Variants in IMMP2L observed in about 807,000 individuals in gnomAD.
The protein encoded by IMMP2L is mitochondrial inner membrane protease subunit 2.
A neutral mutation model predicts 19.3 loss-of-function variants in IMMP2L; 18 were observed. The observed-to-expected ratio is 0.93, with a 90% confidence interval of 0.64 to 1.38. IMMP2L has a LOEUF of 1.38. Ranked by LOEUF, IMMP2L falls within the 40% of genes most tolerant of loss-of-function variation. The pLI, the probability that IMMP2L is intolerant of heterozygous loss-of-function variation, is 0.00. For missense variants in IMMP2L, 233 were observed against 218.2 expected (o/e 1.07, Z -0.43); for synonymous variants, 76 against 73.0 (o/e 1.04, Z -0.21).
In IMMP2L at chr7:111,281,369, A is replaced by G. The variant is rs779610466; in HGVS notation, c.239+205869T>C. Among the ~76,000 whole-genome samples the G allele has an allele frequency of 2.0e-5, 3 of 152,152 alleles. No homozygotes were observed. In the South Asian group the frequency reaches 6.2e-4, roughly 32 times the overall value. ...GAAACTTGCAGAAGATAAAGGCAAT[A>G]AAATTTAGTAACCCCTTAAATACAT... On this transcript the variant is annotated intron_variant, in intron 3 of 5. Transcript: ENST00000405709.
At chr7:110,691,142 T>C (rs1178775509) in intron 5 of IMMP2L, among the ~76,000 whole-genome samples, 1 of 152,040 alleles carries the variant, frequency 6.6e-6, no homozygotes, top group African/African-American at 2.4e-5. Flanking sequence ...TGGATCAGAA[T>C]AGAGAACCCA....
chr7:111,154,675 A>G (rs1434922222), intron 3 of IMMP2L, among the ~76,000 whole-genome samples: 1 of 152,172 alleles, frequency 6.6e-6, no homozygotes, highest in Non-Finnish European at 1.5e-5. Context: ...ACTCTTAATA[A>G]CAGTTCGAGT....
In IMMP2L at chr7:111,391,913, G is replaced by A. The variant is rs79844449; in HGVS notation, c.239+95325C>T. 296 of 702,680 alleles carry A rather than the reference G, an allele frequency of 4.2e-4. 1 individual carries two copies. The highest frequency in any genetic ancestry group is 3.9e-3 in the African/African-American group (222 of 57,258). The allele number at this position is 702,680 out of a possible 1,614,324, so 43.5% of individuals were successfully genotyped here. A position where few individuals can be genotyped will look rare whatever the true frequency, so the allele number is the denominator to read the frequency against. On this transcript the variant is annotated intron_variant, in intron 3 of 5. Transcript: ENST00000405709. ...TAAAGGATGACATTGAGCACTGCCCGCCTTGTCCTTGACCTCAGATATGCA... is the reference window on the plus strand; with the variant it reads ...TAAAGGATGACATTGAGCACTGCCCACCTTGTCCTTGACCTCAGATATGCA...
chr7:110,835,678 T>C (rs1804386354), intron 5 of IMMP2L, among the ~76,000 whole-genome samples: 1 of 152,160 alleles, frequency 6.6e-6, no homozygotes, highest in Non-Finnish European at 1.5e-5. Context: ...AATCTCTTTT[T>C]CTTTCTCTGT....
At chr7:111,083,222 G>A (rs1796030436) in intron 3 of IMMP2L, among the ~76,000 whole-genome samples, 1 of 151,986 alleles carries the variant, frequency 6.6e-6, no homozygotes, top group African/African-American at 2.4e-5. Flanking sequence ...CTTAAATATT[G>A]ACTCTTAAAG....
At chr7:110,930,210 C>T (rs1769403046) in intron 4 of IMMP2L, among the ~76,000 whole-genome samples, 1 of 152,052 alleles carries the variant, frequency 6.6e-6, no homozygotes, top group Non-Finnish European at 1.5e-5. Flanking sequence ...TCCTTTGGTA[C>T]AATTATTTGG....
At chr7:111,351,435 C>A (rs1339218002) in intron 3 of IMMP2L, among the ~76,000 whole-genome samples, 1 of 152,078 alleles carries the variant, frequency 6.6e-6, no homozygotes, top group Non-Finnish European at 1.5e-5. Flanking sequence ...GTGATCTGCC[C>A]ACCTCAGCCT....
chr7:111,038,297 C>T (rs972967957), intron 3 of IMMP2L, among the ~76,000 whole-genome samples: 1 of 152,050 alleles, frequency 6.6e-6, no homozygotes, highest in South Asian at 2.1e-4. Context: ...AAAAGCAATA[C>T]GTTGGTGGCT....
chr7:111,017,050 T>G (rs1041999459), intron 3 of IMMP2L, among the ~76,000 whole-genome samples: 1 of 142,206 alleles, frequency 7.0e-6, no homozygotes, highest in African/African-American at 2.6e-5. Context: ...ATATTGCATT[T>G]TTTAATATAT....
At chr7:111,016,990 T>C (rs1825771173) in intron 3 of IMMP2L, among the ~76,000 whole-genome samples, 1 of 128,008 alleles carries the variant, frequency 7.8e-6, no homozygotes, top group African/African-American at 3.0e-5. Context: ...CTAATATATA[T>C]TACATATATT....
chr7:110,861,222 C>A (rs1413235041), intron 5 of IMMP2L, among the ~76,000 whole-genome samples: 2 of 151,386 alleles, frequency 1.3e-5, no homozygotes, highest in Non-Finnish European at 2.9e-5. Context: ...ATTTAATTTC[C>A]ATTAGAAGGA....
intron 5 of IMMP2L, among the ~76,000 whole-genome samples, chr7:110,825,524 A>C (rs1336317373): frequency 6.6e-6 from 1 of 152,188 alleles, no homozygotes; most frequent in African/African-American, 2.4e-5. Context: ...GCCCTCAGAA[A>C]TAATACCACA....
intron 3 of IMMP2L, among the ~76,000 whole-genome samples, chr7:111,152,110 G>T (rs1804142329): frequency 6.6e-6 from 1 of 152,088 alleles, no homozygotes. Flanking sequence ...AATAATCGTG[G>T]AAGGGAGAAA....
intron 1 of IMMP2L, among the ~76,000 whole-genome samples, chr7:111,560,419 T>C (rs1257292007): frequency 6.6e-6 from 1 of 152,148 alleles, no homozygotes; most frequent in Non-Finnish European, 1.5e-5. Flanking sequence ...TAGGTCCTTC[T>C]TATGGAACAA....
chr7:110,872,313 G>A (rs1002712901), intron 5 of IMMP2L, among the ~76,000 whole-genome samples: 1 of 152,006 alleles, frequency 6.6e-6, no homozygotes, highest in African/African-American at 2.4e-5. Flanking sequence ...TCCTTAAGTC[G>A]AAATCCTATC....
At chr7:110,804,150 A>G (rs1467034409) in intron 5 of IMMP2L, among the ~76,000 whole-genome samples, 2 of 152,056 alleles carry the variant, frequency 1.3e-5, no homozygotes, top group African/African-American at 4.8e-5. Context: ...TTTGTTTATT[A>G]TCATCTCCAA....
intron 5 of IMMP2L, among the ~76,000 whole-genome samples, chr7:110,755,493 G>A (rs78007450): frequency 0.14 from 20,928 of 152,130 alleles, 1,586 homozygotes; most frequent in South Asian, 0.29. Context: ...CATATTGTGT[G>A]ATAGCCACAA....
intron 3 of IMMP2L, among the ~76,000 whole-genome samples, chr7:110,974,033 C>T (rs545957200): frequency 6.6e-6 from 1 of 152,160 alleles, no homozygotes; most frequent in East Asian, 1.9e-4. Context: ...CTCTCCCAGA[C>T]ACAGGTATAA....
At chr7:110,889,907 C>A (rs948793019) in intron 4 of IMMP2L, among the ~76,000 whole-genome samples, 33 of 152,132 alleles carry the variant, frequency 2.2e-4, no homozygotes, top group Admixed American at 2.2e-3. Context: ...TAAGTGGATT[C>A]TCTTGTAGTT....
Sources: gnomAD v4.1 joint callset for allele counts (sites outside exome capture counted in the v4.1 genomes callset) on GRCh38, gnomAD v4.1.1 for gene constraint, MANE v1.5 for transcripts, NCBI Gene and HGNC (gene_info 2026-07-23, HGNC 2026-07-21) for gene names.